RBFOX1: variants seen among roughly 807,000 people sequenced by gnomAD.
The protein encoded by RBFOX1 is RNA binding fox-1 homolog 1, also known as RNA binding protein fox-1 homolog 1.
RBFOX1 carries 8 observed loss-of-function variants against 57.7 expected under a neutral mutation model. That is an observed-to-expected ratio of 0.14 (90% CI 0.08 to 0.25). RBFOX1 has a LOEUF of 0.25. Among genes scored for constraint, RBFOX1 ranks in the 10% least tolerant of loss-of-function variants. The pLI is 1.00. For missense variants in RBFOX1, 611 were observed against 548.5 expected, an observed-to-expected ratio of 1.11 and a Z score of -1.14; for synonymous variants, 326 against 222.4, an observed-to-expected ratio of 1.47 and a Z score of -4.15.
chr16:5,336,357 C>G (rs1326128786), intron 1 of RBFOX1, among the ~76,000 whole-genome samples: 1 of 152,172 alleles, frequency 6.6e-6, no homozygotes, highest in Non-Finnish European at 1.5e-5. Flanking sequence ...TTCTGTTACA[C>G]TGGGCAAGCT....
At chr16:7,707,138 G>A (rs573646587) in intron 14 of RBFOX1, among the ~76,000 whole-genome samples, 3 of 152,290 alleles carry the variant, frequency 2.0e-5, no homozygotes, top group African/African-American at 7.2e-5. Flanking sequence ...TCTTGAAGCT[G>A]AAAGCCTCAT....
intron 4 of RBFOX1, among the ~76,000 whole-genome samples, chr16:7,160,517 A>G (rs935921305): frequency 2.0e-5 from 3 of 152,098 alleles, no homozygotes; most frequent in South Asian, 4.1e-4. Flanking sequence ...ACTGTTATAC[A>G]TATTTTTTTA....
At chr16:6,078,519 C>A (rs2343519) in intron 1 of RBFOX1, among the ~76,000 whole-genome samples, 2 of 151,970 alleles carry the variant, frequency 1.3e-5, no homozygotes, top group Non-Finnish European at 2.9e-5. Flanking sequence ...CTGGACACCC[C>A]TGTTCTAGAG....
rs2064300771 is a variant in RBFOX1 at position 5,318,352 on chromosome 16, C to T, written c.219+78247C>T. ...CCATATCGGCCAGGCTGGTCTCAAA[C>T]TCCTGACCTCAAGTGATGCACCCAC... On this transcript the variant is annotated intron_variant, in intron 1 of 2. Coordinates refer to the RBFOX1 transcript ENST00000585867. 3.3e-5 allele frequency among the ~76,000 whole-genome samples: 5 copies of T among 152,094 alleles called. No homozygotes were observed. In the South Asian group the frequency reaches 1.0e-3, roughly 32 times the overall value.
At chr16:7,398,297 G>A (rs2098176380) in intron 4 of RBFOX1, among the ~76,000 whole-genome samples, 1 of 152,218 alleles carries the variant, frequency 6.6e-6, no homozygotes, top group Admixed American at 6.5e-5. Flanking sequence ...GACACTTACA[G>A]GATGCTTAAG....
chr16:7,382,468 A>G (rs74012511), intron 4 of RBFOX1, among the ~76,000 whole-genome samples: 13,531 of 152,280 alleles, frequency 0.089, 656 homozygotes, highest in East Asian at 0.19. Flanking sequence ...AAATGAAAGT[A>G]CTTGGTTTCT....
At chr16:6,345,197 C>A (rs2085186077) in intron 2 of RBFOX1, among the ~76,000 whole-genome samples, 1 of 152,190 alleles carries the variant, frequency 6.6e-6, no homozygotes, top group South Asian at 2.1e-4. Flanking sequence ...GGCGCTGCGT[C>A]CAGGAGGGTT....
intron 3 of RBFOX1, among the ~76,000 whole-genome samples, chr16:6,699,264 G>A (rs557200703): frequency 6.6e-6 from 1 of 151,324 alleles, no homozygotes; most frequent in South Asian, 2.1e-4. Context: ...TCACTGTTGT[G>A]AGGCTTTGCC....
chr16:5,797,815 G>A (rs1169263886), intron 3 of RBFOX1, among the ~76,000 whole-genome samples: 2 of 152,178 alleles, frequency 1.3e-5, no homozygotes, highest in Non-Finnish European at 2.9e-5. Context: ...ACTGACCTGA[G>A]TGATGGGCTC....
intron 3 of RBFOX1, among the ~76,000 whole-genome samples, chr16:6,922,728 C>G (rs76380548): frequency 2.6e-5 from 4 of 152,094 alleles, no homozygotes; most frequent in Admixed American, 1.3e-4. Context: ...GGAAAGCCTT[C>G]TGAGATTTTA....
At chr16:6,791,019 C>T (rs574202495) in intron 3 of RBFOX1, among the ~76,000 whole-genome samples, 3 of 152,130 alleles carry the variant, frequency 2.0e-5, no homozygotes, top group Admixed American at 6.5e-5. Context: ...AATCCTTCCA[C>T]TTCAGCCTTC....
At chr16:6,513,918 A>G (rs1188977382) in intron 2 of RBFOX1, among the ~76,000 whole-genome samples, 3 of 152,186 alleles carry the variant, frequency 2.0e-5, no homozygotes, top group African/African-American at 7.2e-5. Flanking sequence ...GAGATCCCCA[A>G]GTGGAAAACG....
chr16:6,057,191 A>G (rs191129428), intron 1 of RBFOX1: 66 of 152,284 alleles, frequency 4.3e-4, no homozygotes, highest in Non-Finnish European at 4.4e-5. Flanking sequence ...ATGGAGGCTA[A>G]GTACTAATGT....
Position 6,230,486 on chromosome 16 carries a change from T to C in RBFOX1, c.-126-86509T>C, listed in dbSNP as rs182915409. Among the ~76,000 whole-genome samples, 294 of 152,250 alleles carry C rather than the reference T, an allele frequency of 1.9e-3. 1 individual carries two copies. Among genetic ancestry groups the C allele is most frequent in the Non-Finnish European group, 2.7e-3 (186 of 68,016 alleles). On this transcript the variant is annotated intron_variant, in intron 1 of 15. Transcript: ENST00000550418. ...AAAACTTTTGCTTTTAACCTGGTAG[T>C]GTATTAGTCAGTGTCTGCTGCATCA...
At chr16:7,348,934 T>C (rs940583407) in intron 4 of RBFOX1, among the ~76,000 whole-genome samples, 1 of 151,926 alleles carries the variant, frequency 6.6e-6, no homozygotes, top group Non-Finnish European at 1.5e-5. Flanking sequence ...ACAGCGAGAC[T>C]CCACCTCAAA....
intron 4 of RBFOX1, among the ~76,000 whole-genome samples, chr16:7,072,711 G>A (rs2057569526): frequency 6.6e-6 from 1 of 152,148 alleles, no homozygotes; most frequent in Non-Finnish European, 1.5e-5. Context: ...CTTTAATACT[G>A]GACAAAATAT....
At chr16:6,670,486 G>T (rs548209005) in intron 3 of RBFOX1, among the ~76,000 whole-genome samples, 36 of 152,098 alleles carry the variant, frequency 2.4e-4, no homozygotes, top group Non-Finnish European at 4.4e-4. Context: ...TTTTCATAAA[G>T]AAATCATAAA....
intron 3 of RBFOX1, among the ~76,000 whole-genome samples, chr16:6,766,934 C>A (rs2077414468): frequency 6.6e-6 from 1 of 152,054 alleles, no homozygotes; most frequent in African/African-American, 2.4e-5. Flanking sequence ...CTGAATGCAG[C>A]CCGTGGTACT....
chr16:6,118,075 G>C (rs1567497476), intron 1 of RBFOX1, among the ~76,000 whole-genome samples: 2 of 152,174 alleles, frequency 1.3e-5, no homozygotes, highest in African/African-American at 4.8e-5. Context: ...GAGAATTTCT[G>C]TATAGTCTTC....
Sources: gnomAD v4.1 joint callset for allele counts (sites outside exome capture counted in the v4.1 genomes callset) on GRCh38, gnomAD v4.1.1 for gene constraint, MANE v1.5 for transcripts, NCBI Gene and HGNC (gene_info 2026-07-23, HGNC 2026-07-21) for gene names.